The following IRAG1 variants were observed in gnomAD, a reference collection of about 807,000 sequenced individuals.
IRAG1 encodes the protein inositol 1,4,5-triphosphate receptor associated 1.
In IRAG1, 62 loss-of-function variants were observed where a neutral mutation model predicts 106.2. That is an observed-to-expected ratio of 0.58 (90% CI 0.48 to 0.72). The LOEUF (loss-of-function observed/expected upper bound fraction) is 0.72. IRAG1 is among the 30% of genes least tolerant of loss of function. The probability of loss-of-function intolerance (pLI) is 0.00; values close to 1 mark genes in which losing one functional copy is unlikely to be tolerated. For synonymous variants in IRAG1, 462 were observed against 443.9 expected (o/e 1.04, Z -0.51); for missense variants, 1,064 against 1,140.7 (o/e 0.93, Z 0.97).
intron 8 of IRAG1, among the ~76,000 whole-genome samples, chr11:10,627,161 A>G (rs1427118440): frequency 2.0e-5 from 3 of 152,158 alleles, no homozygotes; most frequent in African/African-American, 7.2e-5. Flanking sequence ...CGTGAGCAGC[A>G]CGTGGGTCTG....
rs371760633 is a variant in IRAG1 at position 10,600,951 on chromosome 11, T to G, written c.1984A>C (p.Asn662His). The change falls in exon 15 of 21, where the codon AAT (asparagine) becomes CAT (histidine). Residue 662 changes from asparagine to histidine, a missense_variant. Asn to His is a moderately conservative substitution (Grantham distance 68, BLOSUM62 1). Coordinates refer to ENST00000423302, the MANE Select transcript of IRAG1 (RefSeq NM_130385.4). ...AELMEFKKLA[N>H]QNSSRSCGPS... Reference sequence around the variant, plus strand: ...CCACAGCTGCGGCTTGAATTCTGATTTGCAAGCTTTTTAAACTCCATGAGC... The same window carrying G: ...CCACAGCTGCGGCTTGAATTCTGATGTGCAAGCTTTTTAAACTCCATGAGC... The G allele has an allele frequency of 4.3e-5, 69 of 1,614,062 alleles. No individual in the cohort carries two copies. In the African/African-American group the frequency reaches 8.0e-4, roughly 19 times the overall value.
intron 10 of IRAG1, among the ~76,000 whole-genome samples, chr11:10,616,306 G>T (rs1004494583): frequency 1.5e-5 from 2 of 133,728 alleles, no homozygotes; most frequent in African/African-American, 5.6e-5. Context: ...AAAAAAAAAA[G>T]AAAAATCCAC....
chr11:10,576,559 C>G lies in IRAG1; in HGVS notation c.2512G>C (p.Val838Leu). The G allele has an allele frequency of 6.2e-7, 1 of 1,613,914 alleles. No individual in the cohort carries two copies. The highest frequency in any genetic ancestry group is 8.5e-7 in the Non-Finnish European group (1 of 1,179,882). The change falls in exon 21 of 21, where the codon GTC (valine) becomes CTC (leucine). Residue 838 changes from valine to leucine, a missense_variant. By Grantham distance (32) the Val-to-Leu change is conservative. Coordinates refer to ENST00000423302, the MANE Select transcript of IRAG1 (RefSeq NM_130385.4). Reference sequence around the variant, plus strand: ...GGATACATGACTTGTAAGAAATGGACCAATTCTTCAAGTTTGCTGTCAATG... The same window carrying G: ...GGATACATGACTTGTAAGAAATGGAGCAATTCTTCAAGTTTGCTGTCAATG... ...GPRSSKLEEL[V>L]HFLQVMYPKL...
chr11:10,688,094 CAAA>C (rs758245572), intron 1 of IRAG1, among the ~76,000 whole-genome samples: 1 of 136,034 alleles, frequency 7.4e-6, no homozygotes. Flanking sequence ...TTCCAAAGGC[CAAA>C]AAAAAAAAAA....
chr11:10,629,611 G>C lies in IRAG1; in HGVS notation c.501C>G (p.Ala167=). Reference sequence around the variant, plus strand: ...TCAGGAATCGCTCACTCACCAACTTGGCTTCTTCCAGCAGCGCCAGGTTTT... The same window carrying C: ...TCAGGAATCGCTCACTCACCAACTTCGCTTCTTCCAGCAGCGCCAGGTTTT... ...KKKNLALLEE[A]KLVSERFLTR... The change falls in exon 5 of 21, where the codon GCC becomes GCG. Residue 167 remains alanine, a synonymous_variant. Coordinates refer to ENST00000423302, the MANE Select transcript of IRAG1 (RefSeq NM_130385.4). 6.2e-7 allele frequency: 1 copy of C among 1,614,006 alleles called. No homozygotes were observed. The highest frequency in any genetic ancestry group is 8.5e-7 in the Non-Finnish European group (1 of 1,179,884).
At chr11:10,593,961 G>A (rs2134229061) in intron 16 of IRAG1, 185 bp downstream of exon 16, 1 of 623,774 alleles carries the variant, frequency 1.6e-6, no homozygotes, top group East Asian at 2.8e-5. Context: ...ACATAGTTAA[G>A]GAAACCATGA....
In IRAG1 at chr11:10,693,716, T is replaced by A. The variant is rs376639980; in HGVS notation, c.-114A>T. 1.1e-5 allele frequency: 14 copies of A among 1,261,130 alleles called. No homozygotes were observed. The highest frequency in any genetic ancestry group is 2.7e-4 in the Middle Eastern group (1 of 3,746). The allele number at this position is 1,261,130 out of a possible 1,614,324, so 78.1% of individuals were successfully genotyped here. On this transcript the variant is annotated 5_prime_UTR_variant, in exon 1 of 21. Coordinates refer to ENST00000423302, the MANE Select transcript of IRAG1 (RefSeq NM_130385.4). ...GCTGGGACTTAGAGCCGAGAGCTCC[T>A]CTGGGAGCCCCACTCCGGCCTGGCT...
At position 10,659,803 on chromosome 11, in the gene IRAG1, C is replaced by T. The variant is rs1859252449; in HGVS notation, c.68-7621G>A. Among the ~76,000 whole-genome samples, 1 of 152,082 alleles carries T rather than the reference C, an allele frequency of 6.6e-6. No homozygotes were observed. Among genetic ancestry groups the T allele is most frequent in the African/African-American group, 2.4e-5 (1 of 41,404 alleles). ...GGCAGTTCAAAGGCACCGAGAATAG[C>T]AGCAAAGTATCTGAGCCTCCCATTT... On this transcript the variant is annotated intron_variant, in intron 1 of 20. Transcript: ENST00000423302. The surrounding 1 kb of genome is among the most constrained non-coding windows in gnomAD (Gnocchi z 4.1).
chr11:10,663,288 A>G (rs1423384751), intron 1 of IRAG1, among the ~76,000 whole-genome samples: 1 of 152,134 alleles, frequency 6.6e-6, no homozygotes, highest in Non-Finnish European at 1.5e-5. Flanking sequence ...TCTCTCATTC[A>G]GTTCCTCCTA....
rs1245023267 is a variant in IRAG1, at chr11:10,680,425, AAG to A, written c.67+13109_67+13110del. Among the ~76,000 whole-genome samples, 6 of 141,342 alleles carry A rather than the reference AAG, an allele frequency of 4.2e-5. No homozygotes were observed. The East Asian group carries it at 6.5e-4, about 15-fold the overall frequency. 92.7% of individuals were successfully genotyped at this position (141,342 alleles called of 152,430 possible). On this transcript the variant is annotated intron_variant, in intron 1 of 20. Transcript: ENST00000423302. ...GGAAGGAAAGAAAGGGAAAGAAAGA[AAG>A]AGAGGGAAGGAAGGAAAGAAAGGGA... is the stretch of plus-strand genomic sequence containing the variant.
chr11:10,581,050 A>G (rs1012624766), intron 19 of IRAG1, among the ~76,000 whole-genome samples: 2 of 152,232 alleles, frequency 1.3e-5, no homozygotes, highest in Non-Finnish European at 2.9e-5. Flanking sequence ...TACGAAACCA[A>G]TGAAGGAGTT....
At chr11:10,687,776 C>A (rs1224105126) in intron 1 of IRAG1, 1 of 1,289,102 alleles carries the variant, frequency 7.8e-7, no homozygotes. Context: ...TTGATGGAAT[C>A]TCTGGAGGGG....
In IRAG1 at chr11:10,576,061, A is replaced by C; in HGVS notation, c.*271T>G. Reference sequence around the variant, plus strand: ...CTCCCCAGCCACCTGAGCTAGGGGCAGGAGACCTTCCCTTCCAATAGAGTT... The same window carrying C: ...CTCCCCAGCCACCTGAGCTAGGGGCCGGAGACCTTCCCTTCCAATAGAGTT... On this transcript the variant is annotated 3_prime_UTR_variant, in exon 21 of 21. Transcript: ENST00000423302. The C allele has an allele frequency of 2.2e-6, 1 of 449,090 alleles. No homozygotes were observed. Among genetic ancestry groups the C allele is most frequent in the Non-Finnish European group, 4.1e-6 (1 of 244,066 alleles). The allele number at this position is 449,090 out of a possible 1,614,324, so 27.8% of individuals were successfully genotyped here. A position where few individuals can be genotyped will look rare whatever the true frequency, so the allele number is the denominator to read the frequency against.
At chr11:10,608,766 A>G (rs191535469) in intron 11 of IRAG1, among the ~76,000 whole-genome samples, 181 of 152,300 alleles carry the variant, frequency 1.2e-3, no homozygotes, top group African/African-American at 4.2e-3. Context: ...GTGATTTGCA[A>G]ATATTTCATT....
chr11:10,659,577 T>C lies in IRAG1; in HGVS notation c.68-7395A>G, dbSNP rs902005527. Among the ~76,000 whole-genome samples the C allele has an allele frequency of 5.3e-5, 8 of 152,294 alleles. No individual in the cohort carries two copies. The highest frequency in any genetic ancestry group is 1.2e-4 in the African/African-American group (5 of 41,576). The stretch of plus-strand genomic sequence containing the variant: ...TTTCTCCAGCCCTGCTCTCCGCTCC[T>C]GTGGAGCTCGTATAGGCTTTGTTGG... On this transcript the variant is annotated intron_variant, in intron 1 of 20. Transcript: ENST00000423302. The surrounding 1 kb of genome is among the most constrained non-coding windows in gnomAD (Gnocchi z 4.1).
chr11:10,603,438 A>G (rs549947899), intron 13 of IRAG1, among the ~76,000 whole-genome samples, 187 bp from the exon 14 acceptor site: 1 of 152,058 alleles, frequency 6.6e-6, no homozygotes, highest in Non-Finnish European at 1.5e-5. Flanking sequence ...GGAGGGTACA[A>G]CCTAGATCCT....
At chr11:10,676,186 G>C (rs1860645438) in intron 1 of IRAG1, among the ~76,000 whole-genome samples, 1 of 152,250 alleles carries the variant, frequency 6.6e-6, no homozygotes, top group African/African-American at 2.4e-5. Context: ...CAGAAGCGCA[G>C]GACACAGAAA....
chr11:10,597,279 T>C (rs756064191), intron 15 of IRAG1, among the ~76,000 whole-genome samples: 9 of 152,248 alleles, frequency 5.9e-5, no homozygotes, highest in Non-Finnish European at 1.0e-4. Flanking sequence ...TCTTCTTTGA[T>C]AACTGTATTC....
rs181233351 is a variant in IRAG1 at position 10,593,920 on chromosome 11, T to C, written c.2067+226A>G. ...CTGCCTGTAGCAATATGAAGGCTTA[T>C]GATCACTTCATGTTCATTTAAGGGA... On this transcript the variant is annotated intron_variant, in intron 16 of 20. Transcript: ENST00000423302. 84 of 586,590 alleles carry C rather than the reference T, an allele frequency of 1.4e-4. No individual in the cohort carries two copies. The African/African-American group carries it at 1.4e-3, about 10-fold the overall frequency. The allele number at this position is 586,590 out of a possible 1,614,324, so 36.3% of individuals were successfully genotyped here.
Sources: gnomAD v4.1 joint callset for allele counts (sites outside exome capture counted in the v4.1 genomes callset) on GRCh38, gnomAD v4.1.1 for gene constraint, Gnocchi (gnomAD v3.1) non-coding constraint, MANE v1.5 for transcripts, NCBI Gene and HGNC (gene_info 2026-07-23, HGNC 2026-07-21) for gene names.